Variants in USP38 observed in about 807,000 individuals in gnomAD.
USP38 encodes the protein ubiquitin carboxyl-terminal hydrolase 38.
USP38 carries 49 observed loss-of-function variants against 94.3 expected under a neutral mutation model. The ratio of observed to expected loss-of-function variants is 0.52; its 90% CI spans 0.41 to 0.66. The LOEUF is 0.66. Among genes scored for constraint, USP38 ranks in the 30% least tolerant of loss-of-function variants. The probability of loss-of-function intolerance (pLI) is 0.00; values close to 1 mark genes in which losing one functional copy is unlikely to be tolerated. For synonymous variants in USP38, 468 were observed against 463.6 expected (o/e 1.01, Z -0.12); for missense variants, 1,128 against 1,229.4 (o/e 0.92, Z 1.23).
intron 6 of USP38, 129 bp downstream of exon 6, chr4:143,206,355 T>C (rs1443937369): frequency 2.5e-6 from 2 of 810,812 alleles, no homozygotes; most frequent in East Asian, 3.1e-5. Flanking sequence ...GATTGCCTTA[T>C]TCAGAAATGA....
At chr4:143,189,793 TTGA>T (rs1282573785) in intron 2 of USP38, among the ~76,000 whole-genome samples, 6 of 152,038 alleles carry the variant, frequency 3.9e-5, no homozygotes, top group Non-Finnish European at 8.8e-5. Context: ...GCTTTTAATT[TTGA>T]TGATCCCCTT....
rs759106712 is a variant in USP38 at position 143,220,309 on chromosome 4, T to C, written c.2982T>C (p.Asn994=). Residue 994 remains asparagine (N), a synonymous_variant, in exon 10 of 10, where the codon AAT becomes AAC. Coordinates refer to ENST00000307017, the MANE Select transcript of USP38 (RefSeq NM_032557.6). The part of the protein sequence containing the change: ...NKLYLQEQEL[N]ARARALQAAS... ...TTTAATTTTAGGAACAAGAGTTGAA[T>C]GCTCGAGCCCGGGCCCTCCAAGCTG... 11 of 1,609,390 alleles carry C rather than the reference T, an allele frequency of 6.8e-6. No homozygotes were observed. In the South Asian group the frequency reaches 1.2e-4, roughly 18 times the overall value.
At chr4:143,205,108 G>A (rs1465848891) in intron 5 of USP38, among the ~76,000 whole-genome samples, 1 of 152,178 alleles carries the variant, frequency 6.6e-6, no homozygotes, top group Non-Finnish European at 1.5e-5. Flanking sequence ...ATAGATGATA[G>A]TTGCTGCACT....
In USP38 at chr4:143,197,934, G is replaced by A. The variant is rs371195237; in HGVS notation, c.1050+10G>A. The A allele has an allele frequency of 6.3e-7, 1 of 1,581,440 alleles. No individual in the cohort carries two copies. Among genetic ancestry groups the A allele is most frequent in the African/African-American group, 1.4e-5 (1 of 73,670 alleles). ...AGAGGCGTTCCATTTGGTAAGTTAT[G>A]ACATAAACGTTCTACTTTGAAAAAG... On this transcript the variant is annotated intron_variant, in intron 4 of 9. Transcript: ENST00000307017.
intron 6 of USP38, among the ~76,000 whole-genome samples, chr4:143,208,965 C>T (rs10029373): frequency 0.6 from 89,112 of 149,270 alleles, 26,784 homozygotes; most frequent in East Asian, 0.82. Flanking sequence ...GGATACCCAG[C>T]TGTCCCTTTA....
intron 6 of USP38, among the ~76,000 whole-genome samples, chr4:143,207,603 A>C (rs893562738): frequency 6.6e-6 from 1 of 151,914 alleles, no homozygotes; most frequent in Non-Finnish European, 1.5e-5. Flanking sequence ...AGATTATAAT[A>C]TCAGCACTCA....
chr4:143,197,758 T>C, intron 3 of USP38, 65 bp from the exon 4 acceptor site: 1 of 1,121,966 alleles, frequency 8.9e-7, no homozygotes, highest in Non-Finnish European at 1.3e-6. Flanking sequence ...TCTAGGAAAA[T>C]AACCACTGTT....
rs1437465592 is a variant in USP38, at chr4:143,187,952, C to G, written c.809C>G (p.Ala270Gly). 7 of 1,610,890 alleles carry G rather than the reference C, an allele frequency of 4.3e-6. No individual in the cohort carries two copies. In the South Asian group the frequency reaches 7.8e-5, roughly 18 times the overall value. Residue 270 changes from alanine (A) to glycine (G), a missense_variant, in exon 2 of 10, where the codon GCC becomes GGC. Coordinates refer to ENST00000307017, the MANE Select transcript of USP38 (RefSeq NM_032557.6). ...PNVKDASMTQ[A>G]LCRMIDWLSW... ...GTAAAAGATGCAAGTATGACCCAAG[C>G]CCTTTGCAGGTACTTCTTCATGACA... is the stretch of plus-strand genomic sequence containing the variant.
chr4:143,219,651 T>C (rs1311185652), intron 9 of USP38, among the ~76,000 whole-genome samples: 1 of 152,124 alleles, frequency 6.6e-6, no homozygotes, highest in African/African-American at 2.4e-5. Flanking sequence ...TCCAAAGAGT[T>C]TGTGGGTCCC....
At chr4:143,211,746 T>C (rs1732030076) in intron 7 of USP38, among the ~76,000 whole-genome samples, 1 of 152,178 alleles carries the variant, frequency 6.6e-6, no homozygotes, top group African/African-American at 2.4e-5. Flanking sequence ...GTCCAAAGTT[T>C]AATCACTAAG....
intron 9 of USP38, among the ~76,000 whole-genome samples, chr4:143,216,602 A>G (rs1350181099): frequency 1.3e-5 from 2 of 150,902 alleles, no homozygotes; most frequent in African/African-American, 4.9e-5. Flanking sequence ...CCTCCTGAGT[A>G]GCTAAGGACT....
Position 143,203,412 on chromosome 4 carries a change from T to C in USP38, c.1055T>C (p.Val352Ala). ...TTTATCCTTTTTTCTTTTCAGATTG[T>C]TCCTCATGTGGTTAATTTGGTTCAT... ...QHSPEAFHLIVPHVVNLVHSF... is the reference protein window; with the variant it reads ...QHSPEAFHLIAPHVVNLVHSF... The change falls in exon 5 of 10, where the codon GTT becomes GCT. Residue 352 changes from valine to alanine, a missense_variant. Transcript: ENST00000307017. 6.2e-7 allele frequency: 1 copy of C among 1,610,894 alleles called. No homozygotes were observed.
rs994426781 is a variant in USP38, at chr4:143,185,105, G to A, written c.-346G>A. 1 of 200,102 alleles carries A rather than the reference G, an allele frequency of 5.0e-6. No individual in the cohort carries two copies. The highest frequency in any genetic ancestry group is 1.0e-5 in the Non-Finnish European group (1 of 100,198). 12.4% of individuals were successfully genotyped at this position (200,102 alleles called of 1,614,324 possible). On this transcript the variant is annotated 5_prime_UTR_variant, in exon 1 of 10. Transcript: ENST00000307017. ...CCTCCACCCGCCGGCTAGCAGCCCC[G>A]GGCCCTGAGCTCCCGCCGACGCCGC... is the stretch of plus-strand genomic sequence containing the variant.
In USP38 at chr4:143,220,732, C is replaced by A; in HGVS notation, c.*276C>A. On this transcript the variant is annotated 3_prime_UTR_variant, in exon 10 of 10. Transcript: ENST00000307017. Reference sequence around the variant, plus strand: ...AATATGTACCTGGTCCCTAATTAAGCTGCGTTAAATTTGGTAGAAGCATTT... The same window carrying A: ...AATATGTACCTGGTCCCTAATTAAGATGCGTTAAATTTGGTAGAAGCATTT... The A allele has an allele frequency of 4.2e-6, 1 of 239,380 alleles. No homozygotes were observed. The highest frequency in any genetic ancestry group is 7.9e-6 in the Non-Finnish European group (1 of 126,480). 14.8% of individuals were successfully genotyped at this position (239,380 alleles called of 1,614,324 possible). A position where few individuals can be genotyped will look rare whatever the true frequency, so the allele number is the denominator to read the frequency against.
At position 143,214,775 on chromosome 4, in the gene USP38, G is replaced by A. The variant is rs771225702; in HGVS notation, c.2799G>A (p.Thr933=). The change falls in exon 9 of 10, where the codon ACG becomes ACA. Residue 933 remains threonine, a synonymous_variant. Transcript: ENST00000307017. ...CATTTCAGTCAGTCCAGAAAATTAC[G>A]AGCAGGTTTCCAAAGGACACAGCTT... ...FTSFQSVQKI[T]SRFPKDTAYV... The A allele has an allele frequency of 1.4e-5, 23 of 1,613,652 alleles. No individual in the cohort carries two copies. Among genetic ancestry groups the A allele is most frequent in the East Asian group, 6.7e-5 (3 of 44,848 alleles).
At position 143,214,335 on chromosome 4, in the gene USP38, C is replaced by T; in HGVS notation, c.2359C>T (p.Pro787Ser). 1 of 1,613,202 alleles carries T rather than the reference C, an allele frequency of 6.2e-7. No homozygotes were observed. Among genetic ancestry groups the T allele is most frequent in the East Asian group, 2.2e-5 (1 of 44,846 alleles). The stretch of plus-strand genomic sequence containing the variant: ...GAAAATTTTAGACAATGTATCACTG[C>T]CACTGGTTTTGGAGTTGCCAGTTAA... ...RRKILDNVSL[P>S]LVLELPVKRI... Residue 787 changes from proline to serine, a missense_variant, in exon 9 of 10, where the codon CCA becomes TCA. By Grantham distance (74) the Pro-to-Ser change is moderately conservative. Coordinates refer to ENST00000307017, the MANE Select transcript of USP38 (RefSeq NM_032557.6).
At position 143,187,868 on chromosome 4, in the gene USP38, A is replaced by G. The variant is rs757299884; in HGVS notation, c.725A>G (p.Gln242Arg). ...TCTGTAGCATTGGCAAGCCTTGTGC[A>G]GCATATTCCTCTTCAGATGATTACA... ...EPSVALASLV[Q>R]HIPLQMITVL... Residue 242 changes from glutamine to arginine, a missense_variant, in exon 2 of 10, where the codon CAG (glutamine) becomes CGG (arginine). By Grantham distance (43) the Gln-to-Arg change is conservative. Coordinates refer to ENST00000307017, the MANE Select transcript of USP38 (RefSeq NM_032557.6). 2.5e-6 allele frequency: 4 copies of G among 1,613,480 alleles called. No homozygotes were observed. The South Asian group carries it at 3.3e-5, about 13-fold the overall frequency.
rs554661200 is a variant in USP38 at position 143,215,102 on chromosome 4, C to T, written c.2967+159C>T. 5 of 721,158 alleles carry T rather than the reference C, an allele frequency of 6.9e-6. No homozygotes were observed. In the South Asian group the frequency reaches 1.0e-4, roughly 15 times the overall value. 44.7% of individuals were successfully genotyped at this position (721,158 alleles called of 1,614,324 possible). A position where few individuals can be genotyped will look rare whatever the true frequency, so the allele number is the denominator to read the frequency against. On this transcript the variant is annotated intron_variant, in intron 9 of 9. Coordinates refer to ENST00000307017, the MANE Select transcript of USP38 (RefSeq NM_032557.6). ...TTCTCAACCTGTATAACTAAATTGC[C>T]TTTCTAATATTGTGACAATTTAAAT...
intron 7 of USP38, 74 bp from the exon 8 acceptor site, chr4:143,212,244 T>C: frequency 1.6e-6 from 2 of 1,240,864 alleles, no homozygotes; most frequent in East Asian, 2.5e-5. Flanking sequence ...TTAAACACTG[T>C]ATATTAAGAT....
Sources: gnomAD v4.1 joint callset for allele counts (sites outside exome capture counted in the v4.1 genomes callset) on GRCh38, gnomAD v4.1.1 for gene constraint, MANE v1.5 for transcripts, NCBI Gene and HGNC (gene_info 2026-07-23, HGNC 2026-07-21) for gene names.